Variants in TGFBR2 observed in about 807,000 individuals in gnomAD.
TGFBR2 encodes TGF-beta receptor type-2.
Under a neutral mutation model 49.0 loss-of-function variants are expected in TGFBR2, and 18 were observed. That is an observed-to-expected ratio of 0.37 (90% CI 0.25 to 0.54). TGFBR2 has a LOEUF of 0.54. TGFBR2 is among the 20% of genes least tolerant of loss of function. The probability of loss-of-function intolerance (pLI) is 0.85; values close to 1 mark genes in which losing one functional copy is unlikely to be tolerated. For missense variants in TGFBR2, 525 were observed against 722.6 expected, an observed-to-expected ratio of 0.73 and a Z score of 3.13; for synonymous variants, 282 against 275.9, an observed-to-expected ratio of 1.02 and a Z score of -0.22.
At chr3:30,688,237 T>A (rs1699656973) in intron 5 of TGFBR2, 147 bp from the exon 6 acceptor site, 2 of 997,388 alleles carry the variant, frequency 2.0e-6, no homozygotes, top group Non-Finnish European at 3.2e-6. Flanking sequence ...TCTTAGCCAT[T>A]ATTATTAAAA....
intron 3 of TGFBR2, among the ~76,000 whole-genome samples, chr3:30,664,984 T>G (rs1031353137): frequency 6.6e-6 from 1 of 152,234 alleles, no homozygotes; most frequent in Non-Finnish European, 1.5e-5. Flanking sequence ...GAACATTTAG[T>G]GGGATACTAA....
At chr3:30,635,450 A>G (rs931933857) in intron 1 of TGFBR2, among the ~76,000 whole-genome samples, 2 of 152,220 alleles carry the variant, frequency 1.3e-5, no homozygotes, top group African/African-American at 2.4e-5. Context: ...CCAAGTATGC[A>G]TTTTTAGGAT....
chr3:30,637,154 C>T (rs1335207769), intron 1 of TGFBR2, among the ~76,000 whole-genome samples: 3 of 151,758 alleles, frequency 2.0e-5, no homozygotes, highest in Non-Finnish European at 4.4e-5. Context: ...AGATGGCACC[C>T]TCAAATTAGG....
intron 3 of TGFBR2, among the ~76,000 whole-genome samples, chr3:30,669,653 T>C (rs931783334): frequency 6.6e-6 from 1 of 152,200 alleles, no homozygotes; most frequent in Non-Finnish European, 1.5e-5. Context: ...TCTGGTCTGT[T>C]CTTTGTTGTA....
At chr3:30,642,673 CA>C (rs1698667889) in intron 1 of TGFBR2, among the ~76,000 whole-genome samples, 1 of 151,982 alleles carries the variant, frequency 6.6e-6, no homozygotes, top group Non-Finnish European at 1.5e-5. Context: ...ATACTCTATA[CA>C]AAAAATACGT....
At chr3:30,659,786 G>A (rs1473434018) in intron 3 of TGFBR2, among the ~76,000 whole-genome samples, 1 of 151,672 alleles carries the variant, frequency 6.6e-6, no homozygotes, top group Non-Finnish European at 1.5e-5. Flanking sequence ...CTCCCACTGC[G>A]GCCTCCATGT....
intron 5 of TGFBR2, among the ~76,000 whole-genome samples, chr3:30,684,122 G>T (rs1011901398): frequency 6.6e-5 from 10 of 152,196 alleles, no homozygotes; most frequent in African/African-American, 2.4e-4. Context: ...CCCTGAGAAT[G>T]GCATTGCCTT....
At chr3:30,687,343 A>G (rs1276598582) in intron 5 of TGFBR2, among the ~76,000 whole-genome samples, 2 of 152,210 alleles carry the variant, frequency 1.3e-5, no homozygotes, top group African/African-American at 4.8e-5. Flanking sequence ...TTTTAAAATC[A>G]GTGATATCGT....
rs556600419 is a variant in TGFBR2, at chr3:30,613,629, G to A, written c.94+6652G>A. Among the ~76,000 whole-genome samples, 17 of 151,984 alleles carry A rather than the reference G, an allele frequency of 1.1e-4. No individual in the cohort carries two copies. In the South Asian group the frequency reaches 3.3e-3, roughly 30 times the overall value. ...CTCTTGATGTAGGATGGAGCAGGCA[G>A]GGGGGAGGAAGGCAAATTGATTACC... On this transcript the variant is annotated intron_variant, in intron 1 of 6. Transcript: ENST00000295754.
intron 2 of TGFBR2, among the ~76,000 whole-genome samples, chr3:30,646,844 A>C (rs184199810): frequency 6.6e-6 from 1 of 152,338 alleles, no homozygotes; most frequent in East Asian, 1.9e-4. Context: ...CCAGTAATAC[A>C]AGCCCAAATC....
intron 1 of TGFBR2, among the ~76,000 whole-genome samples, chr3:30,639,638 T>G (rs2125400219): frequency 6.6e-6 from 1 of 152,324 alleles, no homozygotes; most frequent in South Asian, 2.1e-4. Context: ...TTCCATGGAT[T>G]ATTCTTTGAG....
chr3:30,668,892 G>T (rs1699289292), intron 3 of TGFBR2, among the ~76,000 whole-genome samples: 3 of 151,882 alleles, frequency 2.0e-5, no homozygotes, highest in Admixed American at 2.0e-4. Context: ...TTTCCACTCA[G>T]ACTTACCTTA....
intron 3 of TGFBR2, among the ~76,000 whole-genome samples, chr3:30,658,000 A>G (rs529084637): frequency 2.0e-5 from 3 of 152,188 alleles, no homozygotes; most frequent in Non-Finnish European, 4.4e-5. Flanking sequence ...GGGGTCTGCA[A>G]ACTTCTTTGA....
At chr3:30,632,715 A>AT (rs1358846458) in intron 1 of TGFBR2, among the ~76,000 whole-genome samples, 2 of 152,072 alleles carry the variant, frequency 1.3e-5, no homozygotes, top group Non-Finnish European at 2.9e-5. Flanking sequence ...CTTGTGTGGC[A>AT]TTTTTTACTG....
chr3:30,611,000 G>A (rs1165071380), intron 1 of TGFBR2, among the ~76,000 whole-genome samples: 3 of 152,178 alleles, frequency 2.0e-5, no homozygotes, highest in Admixed American at 1.3e-4. Flanking sequence ...TAGTTCAAGT[G>A]TCATCTTCTT....
At chr3:30,665,496 G>A (rs1169372049) in intron 3 of TGFBR2, among the ~76,000 whole-genome samples, 2 of 152,180 alleles carry the variant, frequency 1.3e-5, no homozygotes, top group African/African-American at 4.8e-5. Context: ...CATCGTATAT[G>A]AGTTATCTTT....
rs3076740 is a variant in TGFBR2 at position 30,653,250 on chromosome 3, C to CTTTTTT, written c.454+2804_454+2809dup. Among the ~76,000 whole-genome samples the CTTTTTT allele has an allele frequency of 8.1e-3, 913 of 113,322 alleles. 17 individuals are homozygous for CTTTTTT. Among genetic ancestry groups the CTTTTTT allele is most frequent in the Non-Finnish European group, 0.011 (628 of 58,962 alleles). 74.3% of individuals were successfully genotyped at this position (113,322 alleles called of 152,430 possible). On this transcript the variant is annotated intron_variant, in intron 3 of 6. Transcript: ENST00000295754. Reference sequence around the variant, plus strand: ...TCTTCTTTATCTTGAGGAATGAAAACTTTTTTTTTTTTTTTTTTTGAGACA... The same window carrying CTTTTTT: ...TCTTCTTTATCTTGAGGAATGAAAACTTTTTTTTTTTTTTTTTTTTTTTTTGAGACA...
intron 1 of TGFBR2, among the ~76,000 whole-genome samples, chr3:30,624,917 G>A (rs756883418): frequency 3.3e-5 from 5 of 152,034 alleles, no homozygotes; most frequent in Non-Finnish European, 5.9e-5. Flanking sequence ...TCTCAGTGGG[G>A]ATTTTCCAGC....
intron 1 of TGFBR2, among the ~76,000 whole-genome samples, chr3:30,642,021 C>G (rs1033651893): frequency 6.6e-6 from 1 of 152,032 alleles, no homozygotes; most frequent in East Asian, 1.9e-4. Context: ...GGACTTAAAC[C>G]ACTTGCATTT....
Sources: gnomAD v4.1 joint callset for allele counts (sites outside exome capture counted in the v4.1 genomes callset) on GRCh38, gnomAD v4.1.1 for gene constraint, MANE v1.5 for transcripts, NCBI Gene and HGNC (gene_info 2026-07-23, HGNC 2026-07-21) for gene names.